The following PAIP1 variants were observed in gnomAD, a reference collection of about 807,000 sequenced individuals.
The protein encoded by PAIP1 is polyadenylate-binding protein-interacting protein 1.
PAIP1 carries 16 observed loss-of-function variants against 61.3 expected under a neutral mutation model. That is an observed-to-expected ratio of 0.26 (90% CI 0.18 to 0.40). PAIP1 has a LOEUF of 0.40. Among genes scored for constraint, PAIP1 ranks in the 10% least tolerant of loss-of-function variants. The probability of loss-of-function intolerance (pLI) is 1.00; values close to 1 mark genes in which losing one functional copy is unlikely to be tolerated. For synonymous variants in PAIP1, 187 were observed against 226.2 expected, an observed-to-expected ratio of 0.83 and a Z score of 1.56; for missense variants, 416 against 600.9, an observed-to-expected ratio of 0.69 and a Z score of 3.22.
intron 5 of PAIP1, among the ~76,000 whole-genome samples, 165 bp from the exon 6 acceptor site, chr5:43,537,109 G>C (rs1747186297): frequency 6.6e-6 from 1 of 152,152 alleles, no homozygotes; most frequent in African/African-American, 2.4e-5. Flanking sequence ...TACTTTATAT[G>C]TAACTAAGAC....
intron 3 of PAIP1, among the ~76,000 whole-genome samples, chr5:43,544,152 A>T (rs961526737): frequency 1.2e-4 from 18 of 149,478 alleles, no homozygotes; most frequent in African/African-American, 2.2e-4. Flanking sequence ...TTTTTAAAAA[A>T]AAAAAAAAAA....
chr5:43,538,491 G>A (rs953119642), intron 5 of PAIP1, among the ~76,000 whole-genome samples: 1 of 152,050 alleles, frequency 6.6e-6, no homozygotes, highest in African/African-American at 2.4e-5. Flanking sequence ...AAAACTATTT[G>A]GGTGAATTAG....
At chr5:43,531,919 G>T (rs952155305) in intron 9 of PAIP1, among the ~76,000 whole-genome samples, 1 of 152,030 alleles carries the variant, frequency 6.6e-6, no homozygotes, top group Admixed American at 6.6e-5. Context: ...ACAGAAGTAA[G>T]CATGTTTAGA....
chr5:43,546,968 G>A (rs576242389), intron 3 of PAIP1, among the ~76,000 whole-genome samples: 13 of 146,640 alleles, frequency 8.9e-5, no homozygotes, highest in African/African-American at 2.5e-4. Flanking sequence ...GCTTGAACCC[G>A]GGAGACGGAG....
chr5:43,542,851 C>G (rs1747467716), intron 4 of PAIP1, among the ~76,000 whole-genome samples, 153 bp downstream of exon 4: 1 of 152,174 alleles, frequency 6.6e-6, no homozygotes. Context: ...AGAAAAAAGA[C>G]TGGTATACTG....
At chr5:43,550,867 G>T (rs1314915201) in intron 2 of PAIP1, among the ~76,000 whole-genome samples, 1 of 60,624 alleles carries the variant, frequency 1.6e-5, no homozygotes, top group Non-Finnish European at 3.3e-5. Context: ...AAAGCAAAAA[G>T]CCAAGTAGAG....
In PAIP1 at chr5:43,556,943, G is replaced by T. The variant is rs1579934228; in HGVS notation, c.-97C>A. Reference sequence around the variant, plus strand: ...GCCGCGGGTCGGCTATAGCCGCCGCGCCTCACTCGGGCCTCATGGAGGAGG... The same window carrying T: ...GCCGCGGGTCGGCTATAGCCGCCGCTCCTCACTCGGGCCTCATGGAGGAGG... On this transcript the variant is annotated 5_prime_UTR_variant, in exon 1 of 11. Coordinates refer to ENST00000306846, the MANE Select transcript of PAIP1 (RefSeq NM_006451.5). 1.3e-5 allele frequency: 17 copies of T among 1,281,304 alleles called. No homozygotes were observed. Among genetic ancestry groups the T allele is most frequent in the Non-Finnish European group, 1.7e-5 (17 of 1,014,078 alleles). 79.4% of individuals were successfully genotyped at this position (1,281,304 alleles called of 1,614,324 possible). A position where few individuals can be genotyped will look rare whatever the true frequency, so the allele number is the denominator to read the frequency against.
chr5:43,529,747 A>C (rs1465495482), intron 10 of PAIP1, 39 bp downstream of exon 10: 3 of 1,030,194 alleles, frequency 2.9e-6, no homozygotes, highest in Admixed American at 3.4e-5. Flanking sequence ...TAAATTAGAC[A>C]CAGAAATTTC....
chr5:43,540,256 T>G (rs1328385906), intron 4 of PAIP1, among the ~76,000 whole-genome samples: 2 of 152,162 alleles, frequency 1.3e-5, no homozygotes, highest in East Asian at 3.8e-4. Flanking sequence ...CAGAAAAAAG[T>G]TGGGATATTT....
Position 43,527,847 on chromosome 5 carries a change from A to C in PAIP1, c.1347-378T>G, listed in dbSNP as rs1328901629. On this transcript the variant is annotated intron_variant, in intron 10 of 10. Coordinates refer to ENST00000306846, the MANE Select transcript of PAIP1 (RefSeq NM_006451.5). ...TAACTATTAATAGAACATAATTTCA[A>C]ATATGCCATTCACCTCTAGTGATGC... Among the ~76,000 whole-genome samples, 7 of 152,338 alleles carry C rather than the reference A, an allele frequency of 4.6e-5. No homozygotes were observed. In the East Asian group the frequency reaches 1.3e-3, roughly 29 times the overall value.
At chr5:43,535,709 G>A in intron 6 of PAIP1, 69 bp from the exon 7 acceptor site, 9 of 817,412 alleles carry the variant, frequency 1.1e-5, no homozygotes, top group South Asian at 6.0e-5. Flanking sequence ...AAAGATACCA[G>A]TAACAGTTCA....
intron 6 of PAIP1, among the ~76,000 whole-genome samples, chr5:43,536,369 T>C (rs1281904150): frequency 6.6e-6 from 1 of 152,162 alleles, no homozygotes; most frequent in Non-Finnish European, 1.5e-5. Flanking sequence ...AATCCAAATA[T>C]TCATTAGTAA....
chr5:43,539,050 AT>A lies in PAIP1; in HGVS notation c.735-16del. On this transcript the variant is annotated splice_polypyrimidine_tract_variant and intron_variant, in intron 4 of 10. Transcript: ENST00000306846. ...CAGTCCGACATCTAATTAAAGACATATCTTTTATAATCTCACATTGCTTTGC... is the reference window on the plus strand; with the variant it reads ...CAGTCCGACATCTAATTAAAGACATACTTTTATAATCTCACATTGCTTTGC... 7.0e-7 allele frequency: 1 copy of A among 1,423,764 alleles called. No individual in the cohort carries two copies. Among genetic ancestry groups the A allele is most frequent in the Non-Finnish European group, 9.9e-7 (1 of 1,008,410 alleles). The allele number at this position is 1,423,764 out of a possible 1,614,324, so 88.2% of individuals were successfully genotyped here.
chr5:43,540,012 C>T (rs1747332289), intron 4 of PAIP1, among the ~76,000 whole-genome samples: 1 of 152,162 alleles, frequency 6.6e-6, no homozygotes, highest in African/African-American at 2.4e-5. Context: ...ATGGTTTCCA[C>T]GCAGCCAGTT....
chr5:43,533,645 G>A, intron 9 of PAIP1, 93 bp downstream of exon 9: 1 of 815,390 alleles, frequency 1.2e-6, no homozygotes, highest in South Asian at 1.4e-5. Flanking sequence ...ACATCAAAAA[G>A]TTACAATCTT....
intron 10 of PAIP1, among the ~76,000 whole-genome samples, chr5:43,528,559 A>G (rs1394583221): frequency 6.6e-6 from 1 of 152,192 alleles, no homozygotes; most frequent in African/African-American, 2.4e-5. Flanking sequence ...ACCCAAGTAG[A>G]TGGAACTTTC....
chr5:43,536,499 G>A (rs1056744744), intron 6 of PAIP1, among the ~76,000 whole-genome samples: 1 of 152,056 alleles, frequency 6.6e-6, no homozygotes, highest in African/African-American at 2.4e-5. Flanking sequence ...TGTTTCATTA[G>A]GTGGCAAAAA....
intron 4 of PAIP1, among the ~76,000 whole-genome samples, chr5:43,540,064 A>C (rs1192546329): frequency 6.6e-6 from 1 of 152,222 alleles, no homozygotes; most frequent in Non-Finnish European, 1.5e-5. Flanking sequence ...GAAAAAATAA[A>C]TTACCTCTTG....
At chr5:43,547,972 G>A in intron 2 of PAIP1, 59 bp from the exon 3 acceptor site, 3 of 1,062,126 alleles carry the variant, frequency 2.8e-6, no homozygotes, top group East Asian at 4.9e-5. Flanking sequence ...AACACACAAG[G>A]TGGTATGTCT....
Sources: gnomAD v4.1 joint callset for allele counts (sites outside exome capture counted in the v4.1 genomes callset) on GRCh38, gnomAD v4.1.1 for gene constraint, MANE v1.5 for transcripts, NCBI Gene and HGNC (gene_info 2026-07-23, HGNC 2026-07-21) for gene names.